DPP10: variants seen among roughly 807,000 people sequenced by gnomAD.
DPP10 encodes the protein dipeptidyl peptidase like 10.
In DPP10, 33 loss-of-function variants were observed where a neutral mutation model predicts 120.9. That is an observed-to-expected ratio of 0.27 (90% CI 0.21 to 0.37). The LOEUF is 0.37. Among genes scored for constraint, DPP10 ranks in the 10% least tolerant of loss-of-function variants. DPP10 has a pLI of 1.00. For missense variants in DPP10, 816 were observed against 942.8 expected (o/e 0.87, Z 1.76); for synonymous variants, 337 against 326.1 (o/e 1.03, Z -0.36).
intron 1 of DPP10, among the ~76,000 whole-genome samples, chr2:114,745,715 A>G (rs1451223886): frequency 6.6e-6 from 1 of 152,232 alleles, no homozygotes; most frequent in Non-Finnish European, 1.5e-5. Context: ...AAGTGTCTAC[A>G]GAAACTAAAT....
At chr2:114,443,225 T>A (rs553442110) in intron 1 of DPP10, among the ~76,000 whole-genome samples, 1 of 152,322 alleles carries the variant, frequency 6.6e-6, no homozygotes, top group Non-Finnish European at 1.5e-5. Context: ...CAGGATTTCA[T>A]TGTCATATGA....
At chr2:115,555,490 G>C (rs1383909972) in intron 5 of DPP10, among the ~76,000 whole-genome samples, 3 of 152,040 alleles carry the variant, frequency 2.0e-5, no homozygotes, top group Admixed American at 2.0e-4. Flanking sequence ...AGTAAGGTTT[G>C]TTTATGCAGA....
At position 115,544,386 on chromosome 2, in the gene DPP10, G is replaced by A. The variant is rs184494097; in HGVS notation, c.441+18414G>A. Among the ~76,000 whole-genome samples, 532 of 151,428 alleles carry A rather than the reference G, an allele frequency of 3.5e-3. 2 individuals are homozygous for A. Among genetic ancestry groups the A allele is most frequent in the African/African-American group, 0.012 (494 of 41,486 alleles). On this transcript the variant is annotated intron_variant, in intron 5 of 25. Coordinates refer to ENST00000410059, the MANE Select transcript of DPP10 (RefSeq NM_020868.6). Reference sequence around the variant, plus strand: ...CTATTTCTGCAAGTCTTTTCATGCCGAGATCAATTTTCCCATTTAGTCCAT... The same window carrying A: ...CTATTTCTGCAAGTCTTTTCATGCCAAGATCAATTTTCCCATTTAGTCCAT...
chr2:114,665,011 C>A (rs1697810051), intron 1 of DPP10, among the ~76,000 whole-genome samples: 1 of 152,014 alleles, frequency 6.6e-6, no homozygotes, highest in Admixed American at 6.6e-5. Flanking sequence ...ACAGAGCATA[C>A]AAAAGATGGC....
At chr2:115,704,962 A>G (rs1460072347) in intron 7 of DPP10, among the ~76,000 whole-genome samples, 1 of 151,944 alleles carries the variant, frequency 6.6e-6, no homozygotes, top group African/African-American at 2.4e-5. Context: ...GAAATTGCTA[A>G]TATTTGTTTA....
At chr2:115,749,254 A>G (rs2149731548) in intron 10 of DPP10, among the ~76,000 whole-genome samples, 1 of 152,326 alleles carries the variant, frequency 6.6e-6, no homozygotes, top group Non-Finnish European at 1.5e-5. Context: ...AATCATGAAG[A>G]TTTTCCACAG....
chr2:115,042,718 A>G (rs1352426801), intron 1 of DPP10, among the ~76,000 whole-genome samples: 5 of 152,232 alleles, frequency 3.3e-5, no homozygotes, highest in Non-Finnish European at 7.3e-5. Context: ...TCACAAATAG[A>G]ACTAGCGTTC....
chr2:115,581,259 T>C (rs2081988027), intron 5 of DPP10, among the ~76,000 whole-genome samples: 1 of 152,196 alleles, frequency 6.6e-6, no homozygotes, highest in African/African-American at 2.4e-5. Context: ...TAAGTGCTCT[T>C]AGTAGTAGTA....
At chr2:115,480,123 T>G (rs2075338371) in intron 3 of DPP10, among the ~76,000 whole-genome samples, 2 of 152,098 alleles carry the variant, frequency 1.3e-5, no homozygotes, top group African/African-American at 4.8e-5. Context: ...TATTAAAATT[T>G]TCACTTCCAA....
chr2:115,078,276 T>G (rs1399863928), intron 1 of DPP10, among the ~76,000 whole-genome samples: 2 of 152,200 alleles, frequency 1.3e-5, no homozygotes, highest in Non-Finnish European at 2.9e-5. Context: ...CAATATTAAA[T>G]TAACTCCATA....
At chr2:115,266,089 AATT>A (rs1433225236) in intron 1 of DPP10, among the ~76,000 whole-genome samples, 3 of 152,150 alleles carry the variant, frequency 2.0e-5, no homozygotes, top group African/African-American at 4.8e-5. Flanking sequence ...GAGGTAATTT[AATT>A]ATTATTTAGG....
At chr2:115,689,819 A>C in intron 6 of DPP10, 21 bp from the exon 7 acceptor site, 2 of 1,613,286 alleles carry the variant, frequency 1.2e-6, no homozygotes, top group Non-Finnish European at 1.7e-6. Flanking sequence ...GTTCATGTAA[A>C]AATATTCACA....
intron 1 of DPP10, among the ~76,000 whole-genome samples, chr2:114,709,608 A>G (rs1700897187): frequency 6.6e-6 from 1 of 152,160 alleles, no homozygotes; most frequent in Non-Finnish European, 1.5e-5. Context: ...GATATGTTCT[A>G]TACCTTTTCC....
chr2:114,668,973 G>C (rs1242863241), intron 1 of DPP10, among the ~76,000 whole-genome samples: 1 of 151,934 alleles, frequency 6.6e-6, no homozygotes, highest in East Asian at 1.9e-4. Flanking sequence ...CTATTTCCCT[G>C]TCTTCTGCAA....
At chr2:114,840,498 G>A (rs74779083) in intron 1 of DPP10, among the ~76,000 whole-genome samples, 13,351 of 151,960 alleles carry the variant, frequency 0.088, 708 homozygotes, top group South Asian at 0.12. Context: ...AAAAGACCTC[G>A]AATTTTAAAA....
intron 3 of DPP10, among the ~76,000 whole-genome samples, chr2:115,384,271 G>A (rs947999556): frequency 2.0e-5 from 3 of 152,034 alleles, no homozygotes; most frequent in Non-Finnish European, 2.9e-5. Flanking sequence ...AACTTGGGGA[G>A]GTCAAGATGG....
intron 1 of DPP10, among the ~76,000 whole-genome samples, chr2:114,621,569 T>C (rs1694092368): frequency 6.6e-6 from 1 of 152,002 alleles, no homozygotes; most frequent in Non-Finnish European, 1.5e-5. Flanking sequence ...CTACATTAAA[T>C]TATAATACTT....
chr2:114,447,063 C>CT (rs1480966719), intron 1 of DPP10, among the ~76,000 whole-genome samples: 1 of 135,500 alleles, frequency 7.4e-6, no homozygotes, highest in East Asian at 2.2e-4. Flanking sequence ...GAGACGGAGT[C>CT]TCAGCTCACT....
chr2:114,881,355 T>A (rs574645001), intron 1 of DPP10, among the ~76,000 whole-genome samples: 1 of 152,100 alleles, frequency 6.6e-6, no homozygotes, highest in African/African-American at 2.4e-5. Flanking sequence ...CTTTAGTACA[T>A]TTGTTGTAAC....
Sources: allele counts gnomAD v4.1 joint callset (sites outside exome capture counted in the v4.1 genomes callset), GRCh38; gene constraint gnomAD v4.1.1; transcripts MANE v1.5; gene names NCBI Gene and HGNC (gene_info 2026-07-23, HGNC 2026-07-21).